The following MAD1L1 variants were observed in gnomAD, a reference collection of about 807,000 sequenced individuals.
The protein encoded by MAD1L1 is mitotic spindle assembly checkpoint protein MAD1.
In MAD1L1, 95 loss-of-function variants were observed where a neutral mutation model predicts 96.9. That is an observed-to-expected ratio of 0.98 (90% CI 0.83 to 1.16). The LOEUF is 1.16. Among genes scored for constraint, MAD1L1 ranks in the 50% most tolerant of loss-of-function variants. MAD1L1 has a pLI of 0.00. For synonymous variants in MAD1L1, 473 were observed against 396.6 expected (o/e 1.19, Z -2.29); for missense variants, 1,007 against 954.4 (o/e 1.06, Z -0.73).
intron 18 of MAD1L1, among the ~76,000 whole-genome samples, chr7:1,842,564 C>T (rs764209047): frequency 2.0e-4 from 30 of 152,394 alleles, no homozygotes; most frequent in Admixed American, 4.6e-4. Context: ...CTGTCCCAGG[C>T]GAGCTGAGTA....
chr7:1,956,011 C>A (rs980630635), intron 16 of MAD1L1, among the ~76,000 whole-genome samples: 1 of 151,442 alleles, frequency 6.6e-6, no homozygotes, highest in Non-Finnish European at 1.5e-5. Context: ...CAGGGGGGAG[C>A]GGGAGGCCGA....
intron 12 of MAD1L1, among the ~76,000 whole-genome samples, chr7:2,024,390 C>T (rs1287373529): frequency 6.6e-6 from 1 of 152,218 alleles, no homozygotes; most frequent in African/African-American, 2.4e-5. Flanking sequence ...ACACAGAGGG[C>T]CTTCACCACC....
intron 15 of MAD1L1, among the ~76,000 whole-genome samples, chr7:1,965,548 C>CTTTT (rs1339630791): frequency 1.3e-5 from 2 of 152,222 alleles, no homozygotes; most frequent in Non-Finnish European, 2.9e-5. Flanking sequence ...CCAGCACTCA[C>CTTTT]CTGGGGGCCG....
intron 18 of MAD1L1, among the ~76,000 whole-genome samples, chr7:1,892,481 T>A (rs181918668): frequency 1.3e-5 from 2 of 152,346 alleles, no homozygotes; most frequent in Admixed American, 6.5e-5. Flanking sequence ...CTGTATTACG[T>A]GCTTACTGGT....
chr7:2,216,420 A>G, intron 7 of MAD1L1, 133 bp from the exon 8 acceptor site: 1 of 869,796 alleles, frequency 1.1e-6, no homozygotes, highest in Non-Finnish European at 1.7e-6. Flanking sequence ...CAACCACAGG[A>G]CGTTCTGGGA....
chr7:2,083,719 G>A (rs1785770033), intron 11 of MAD1L1, among the ~76,000 whole-genome samples: 1 of 152,254 alleles, frequency 6.6e-6, no homozygotes, highest in Non-Finnish European at 1.5e-5. Context: ...CCTGCAGCAG[G>A]CTGTGTACCA....
chr7:2,043,525 C>T (rs1028350873), intron 12 of MAD1L1, among the ~76,000 whole-genome samples: 15 of 152,234 alleles, frequency 9.9e-5, no homozygotes, highest in East Asian at 3.8e-4. Flanking sequence ...TGGAGGTGGC[C>T]GGAATGGGCG....
At chr7:1,917,870 G>T (rs1022044779) in intron 17 of MAD1L1, among the ~76,000 whole-genome samples, 1 of 152,184 alleles carries the variant, frequency 6.6e-6, no homozygotes, top group African/African-American at 2.4e-5. Context: ...GGTTCCCCAG[G>T]AAGACAAAGC....
intron 10 of MAD1L1, among the ~76,000 whole-genome samples, chr7:2,184,263 T>C (rs1047043424): frequency 5.3e-5 from 8 of 151,678 alleles, no homozygotes; most frequent in Non-Finnish European, 1.0e-4. Flanking sequence ...AATAAAAATT[T>C]TAAAATAAAA....
At chr7:2,199,139 G>A (rs1290512421) in intron 10 of MAD1L1, among the ~76,000 whole-genome samples, 1 of 152,240 alleles carries the variant, frequency 6.6e-6, no homozygotes, top group Admixed American at 6.5e-5. Context: ...ATGCCCCACA[G>A]CAGATCCCTG....
At chr7:2,161,567 T>G (rs1272753904) in intron 10 of MAD1L1, among the ~76,000 whole-genome samples, 1 of 146,274 alleles carries the variant, frequency 6.8e-6, no homozygotes, top group South Asian at 2.2e-4. Context: ...CGGCCGCCCA[T>G]CGTGTGGGAT....
At chr7:1,858,455 G>A (rs1445358400) in intron 18 of MAD1L1, among the ~76,000 whole-genome samples, 4 of 152,232 alleles carry the variant, frequency 2.6e-5, no homozygotes, top group Non-Finnish European at 5.9e-5. Flanking sequence ...GGGGCTCTGC[G>A]TGTGAGAGGG....
In MAD1L1 at chr7:2,103,114, C is replaced by A. The variant is rs1786901288; in HGVS notation, c.1074-33776G>T. Among the ~76,000 whole-genome samples, 1 of 152,192 alleles carries A rather than the reference C, an allele frequency of 6.6e-6. No homozygotes were observed. The highest frequency in any genetic ancestry group is 2.4e-5 in the African/African-American group (1 of 41,458). Reference sequence around the variant, plus strand: ...ACGCGCGTCCTCTCCCACCTCAGGGCCCCTGCGCTTGCTGCTGCCTCTGCC... The same window carrying A: ...ACGCGCGTCCTCTCCCACCTCAGGGACCCTGCGCTTGCTGCTGCCTCTGCC... On this transcript the variant is annotated intron_variant, in intron 11 of 18. Coordinates refer to ENST00000265854, the MANE Select transcript of MAD1L1 (RefSeq NM_001013836.2). This position sits in a 1 kb window ranked among gnomAD's most constrained non-coding sequence, Gnocchi z 4.3.
At position 2,114,599 on chromosome 7, in the gene MAD1L1, GTT is replaced by G. The variant is rs1787564999; in HGVS notation, c.1073+34551_1073+34552del. 6.6e-6 allele frequency among the ~76,000 whole-genome samples: 1 copy of G among 152,378 alleles called. No individual in the cohort carries two copies. The highest frequency in any genetic ancestry group is 2.4e-5 in the African/African-American group (1 of 41,590). ...GAGCATGGCTACGACTTGAACGGTG[GTT>G]TCTTAACAGGGTCCAACAACTACAG... On this transcript the variant is annotated intron_variant, in intron 11 of 18. Coordinates refer to ENST00000265854, the MANE Select transcript of MAD1L1 (RefSeq NM_001013836.2). The surrounding 1 kb of genome is among the most constrained non-coding windows in gnomAD (Gnocchi z 4.2).
At chr7:1,899,659 A>C (rs888876748) in intron 17 of MAD1L1, among the ~76,000 whole-genome samples, 1 of 152,118 alleles carries the variant, frequency 6.6e-6, no homozygotes, top group Non-Finnish European at 1.5e-5. Context: ...AAGGCCCCAG[A>C]AAGGGTGTGG....
intron 10 of MAD1L1, among the ~76,000 whole-genome samples, chr7:2,195,154 G>A (rs1202789888): frequency 6.6e-6 from 1 of 151,802 alleles, no homozygotes; most frequent in Non-Finnish European, 1.5e-5. Flanking sequence ...ACTTAGCAGT[G>A]ACCCCTACTG....
intron 10 of MAD1L1, among the ~76,000 whole-genome samples, chr7:2,184,528 T>TA (rs1199469921): frequency 6.6e-6 from 1 of 152,116 alleles, no homozygotes; most frequent in African/African-American, 2.4e-5. Flanking sequence ...ACGTACTCAT[T>TA]AAAAGGCCCA....
intron 9 of MAD1L1, 23 bp downstream of exon 9, chr7:2,215,862 C>T (rs779291731): frequency 1.2e-6 from 2 of 1,609,734 alleles, no homozygotes; most frequent in Non-Finnish European, 1.7e-6. Context: ...CCCACAGGAA[C>T]CGCACACCAC....
At chr7:2,017,100 T>A (rs574739659) in intron 12 of MAD1L1, among the ~76,000 whole-genome samples, 5 of 152,216 alleles carry the variant, frequency 3.3e-5, no homozygotes, top group Admixed American at 1.3e-4. Context: ...ATTAGAAAGT[T>A]TGTTGTTTGT....
Sources: gnomAD v4.1 joint callset for allele counts (sites outside exome capture counted in the v4.1 genomes callset) on GRCh38, gnomAD v4.1.1 for gene constraint, Gnocchi (gnomAD v3.1) non-coding constraint, MANE v1.5 for transcripts, NCBI Gene and HGNC (gene_info 2026-07-23, HGNC 2026-07-21) for gene names.